The following GALNTL6 variants were observed in gnomAD, a reference collection of about 807,000 sequenced individuals.
The protein encoded by GALNTL6 is polypeptide N-acetylgalactosaminyltransferase-like 6.
Under a neutral mutation model 73.7 loss-of-function variants are expected in GALNTL6, and 46 were observed. The observed-to-expected ratio is 0.62, with a 90% confidence interval of 0.49 to 0.80. GALNTL6 has a LOEUF of 0.80. GALNTL6 is among the 30% of genes least tolerant of loss of function. GALNTL6 has a pLI of 0.00. For missense variants in GALNTL6, 604 were observed against 755.0 expected (o/e 0.80, Z 2.34); for synonymous variants, 259 against 263.7 (o/e 0.98, Z 0.17).
At chr4:172,058,113 G>GTTTTTTTGTTTTGTT (rs1731083162) in intron 2 of GALNTL6, among the ~76,000 whole-genome samples, 1 of 146,266 alleles carries the variant, frequency 6.8e-6, no homozygotes, top group Non-Finnish European at 1.5e-5. Flanking sequence ...GGCTGAAGTG[G>GTTTTTTTGTTTTGTT]TTGTTTTGTT....
intron 5 of GALNTL6, among the ~76,000 whole-genome samples, chr4:172,425,106 T>C (rs335966): frequency 0.87 from 132,667 of 152,076 alleles, 57,915 homozygotes; most frequent in South Asian, 0.89. Flanking sequence ...CTAATATGTC[T>C]GTATCTTGAA....
At chr4:172,563,538 T>A (rs1039904352) in intron 5 of GALNTL6, among the ~76,000 whole-genome samples, 3 of 152,226 alleles carry the variant, frequency 2.0e-5, no homozygotes, top group Non-Finnish European at 2.9e-5. Context: ...CCTTTTACTA[T>A]AATTGTGTTA....
intron 2 of GALNTL6, among the ~76,000 whole-genome samples, chr4:172,020,567 T>C (rs1741366609): frequency 6.6e-6 from 1 of 151,492 alleles, no homozygotes; most frequent in Non-Finnish European, 1.5e-5. Context: ...CTAGTAGAAA[T>C]TGAAAAATTC....
At chr4:172,429,020 T>C (rs1731332267) in intron 5 of GALNTL6, among the ~76,000 whole-genome samples, 1 of 152,042 alleles carries the variant, frequency 6.6e-6, no homozygotes, top group South Asian at 2.1e-4. Flanking sequence ...TCCCGCTTTC[T>C]GGTTCATAGA....
chr4:172,110,245 T>A (rs1732814756), intron 2 of GALNTL6, among the ~76,000 whole-genome samples: 1 of 152,214 alleles, frequency 6.6e-6, no homozygotes, highest in Non-Finnish European at 1.5e-5. Flanking sequence ...TGTTAGATTA[T>A]CTTTTCTCTT....
At chr4:172,026,103 A>G (rs1741564640) in intron 2 of GALNTL6, among the ~76,000 whole-genome samples, 1 of 152,060 alleles carries the variant, frequency 6.6e-6, no homozygotes, top group Non-Finnish European at 1.5e-5. Flanking sequence ...TGCTTTTTCT[A>G]GATTTTTAAA....
chr4:172,104,454 C>A (rs1732622264), intron 2 of GALNTL6, among the ~76,000 whole-genome samples: 1 of 152,018 alleles, frequency 6.6e-6, no homozygotes, highest in African/African-American at 2.4e-5. Flanking sequence ...CAGAGGGAAA[C>A]AAGGTTGTAG....
In GALNTL6 at chr4:171,983,560, C is replaced by T. The variant is rs1001524031; in HGVS notation, c.138+168842C>T. Among the ~76,000 whole-genome samples, 33 of 151,984 alleles carry T rather than the reference C, an allele frequency of 2.2e-4. No homozygotes were observed. In the East Asian group the frequency reaches 4.3e-3, roughly 20 times the overall value. ...AGGCTGGAGTGCAGTGGTGCCATCA[C>T]GGCTCATTATAGCCTCAATCTCCTA... On this transcript the variant is annotated intron_variant, in intron 2 of 12. Coordinates refer to ENST00000506823, the MANE Select transcript of GALNTL6 (RefSeq NM_001034845.3).
intron 7 of GALNTL6, among the ~76,000 whole-genome samples, chr4:172,835,988 C>A (rs1440800595): frequency 5.9e-5 from 9 of 152,176 alleles, no homozygotes; most frequent in Admixed American, 5.9e-4. Context: ...GAACCTCCAC[C>A]TGCTGATGGG....
intron 5 of GALNTL6, among the ~76,000 whole-genome samples, chr4:172,476,452 T>C (rs1237730575): frequency 2.0e-5 from 3 of 152,186 alleles, no homozygotes; most frequent in South Asian, 4.1e-4. Context: ...ATAGCAAATA[T>C]GTATGTATTG....
intron 5 of GALNTL6, among the ~76,000 whole-genome samples, chr4:172,482,151 G>A (rs148025475): frequency 0.011 from 1,736 of 152,154 alleles, 19 homozygotes; most frequent in Non-Finnish European, 0.014. Context: ...CGGTGGCGCC[G>A]GCCAGCCACT....
At chr4:172,784,362 G>A (rs1008929833) in intron 5 of GALNTL6, among the ~76,000 whole-genome samples, 16 of 152,038 alleles carry the variant, frequency 1.1e-4, no homozygotes, top group South Asian at 4.2e-4. Flanking sequence ...ATTGATATGC[G>A]CAGAAGCAGT....
At chr4:172,942,612 G>A (rs145651012) in intron 9 of GALNTL6, among the ~76,000 whole-genome samples, 25 of 152,206 alleles carry the variant, frequency 1.6e-4, no homozygotes, top group Admixed American at 1.0e-3. Context: ...AGCCTCCATC[G>A]CATATGCTTG....
chr4:172,388,098 C>T (rs187902413), intron 5 of GALNTL6, among the ~76,000 whole-genome samples: 33 of 152,234 alleles, frequency 2.2e-4, no homozygotes, highest in African/African-American at 7.7e-4. Context: ...CCTAACAAAT[C>T]CAAGTGTTAC....
chr4:171,962,513 G>A (rs1466344317), intron 2 of GALNTL6, among the ~76,000 whole-genome samples: 2 of 151,998 alleles, frequency 1.3e-5, no homozygotes, highest in South Asian at 2.1e-4. Context: ...ACTCCTACCA[G>A]CGCCATGACA....
At chr4:172,483,606 A>C (rs1733569812) in intron 5 of GALNTL6, among the ~76,000 whole-genome samples, 1 of 152,224 alleles carries the variant, frequency 6.6e-6, no homozygotes, top group African/African-American at 2.4e-5. Flanking sequence ...AAAGTGAAAA[A>C]CAATAGAAAA....
At chr4:172,719,926 T>G (rs1168874553) in intron 5 of GALNTL6, among the ~76,000 whole-genome samples, 1 of 152,174 alleles carries the variant, frequency 6.6e-6, no homozygotes, top group African/African-American at 2.4e-5. Context: ...CAATATTAGG[T>G]AACTTCCTGA....
intron 2 of GALNTL6, among the ~76,000 whole-genome samples, chr4:171,932,729 T>C (rs1340007302): frequency 1.3e-5 from 2 of 152,196 alleles, no homozygotes; most frequent in Non-Finnish European, 2.9e-5. Flanking sequence ...TGAAATAGAA[T>C]GGTATACACA....
At chr4:172,637,775 A>G (rs567018360) in intron 5 of GALNTL6, among the ~76,000 whole-genome samples, 2 of 152,302 alleles carry the variant, frequency 1.3e-5, no homozygotes, top group South Asian at 4.1e-4. Flanking sequence ...TCTGTCACTA[A>G]CAACACTTCT....
Sources: allele counts gnomAD v4.1 joint callset (sites outside exome capture counted in the v4.1 genomes callset), GRCh38; gene constraint gnomAD v4.1.1; transcripts MANE v1.5; gene names NCBI Gene and HGNC (gene_info 2026-07-23, HGNC 2026-07-21).